Variants in TPR observed in about 807,000 individuals in gnomAD.
The protein encoded by TPR is translocated promoter region, nuclear basket protein, also known as nucleoprotein TPR.
A neutral mutation model predicts 316.1 loss-of-function variants in TPR; 51 were observed. The ratio of observed to expected loss-of-function variants is 0.16; its 90% CI spans 0.13 to 0.20. TPR has a LOEUF of 0.20. Among genes scored for constraint, TPR ranks in the 10% least tolerant of loss-of-function variants. TPR has a pLI of 1.00. For synonymous variants in TPR, 981 were observed against 914.7 expected, an observed-to-expected ratio of 1.07 and a Z score of -1.31; for missense variants, 2,272 against 2,754.8, an observed-to-expected ratio of 0.82 and a Z score of 3.92.
chr1:186,374,185 G>C (rs917445286), intron 1 of TPR, among the ~76,000 whole-genome samples: 2 of 151,896 alleles, frequency 1.3e-5, no homozygotes, highest in African/African-American at 4.8e-5. Context: ...CGGGAAGTTT[G>C]TATTTTACTA....
At chr1:186,330,263 C>T (rs1438396253) in intron 39 of TPR, among the ~76,000 whole-genome samples, 1 of 152,024 alleles carries the variant, frequency 6.6e-6, no homozygotes, top group Non-Finnish European at 1.5e-5. Context: ...AAAATATAAG[C>T]CTTTGCTAAA....
At chr1:186,362,257 G>A (rs1369083500) in intron 7 of TPR, 31 bp downstream of exon 7, 1 of 1,552,576 alleles carries the variant, frequency 6.4e-7, no homozygotes, top group African/African-American at 1.4e-5. Context: ...TTAGTATTTT[G>A]TAAAAAAGAC....
intron 50 of TPR, 27 bp downstream of exon 50, chr1:186,314,602 T>C (rs753231195): frequency 1.5e-5 from 23 of 1,551,984 alleles, no homozygotes; most frequent in Middle Eastern, 1.7e-4. Flanking sequence ...CATTCTATCA[T>C]GTAATCCAGT....
chr1:186,345,770 C>T, intron 23 of TPR, 74 bp from the exon 24 acceptor site: 1 of 1,076,978 alleles, frequency 9.3e-7, no homozygotes, highest in Non-Finnish European at 1.4e-6. Flanking sequence ...TGTAGTGTTA[C>T]TAAATTGAAG....
At chr1:186,371,865 C>T (rs921020796) in intron 2 of TPR, among the ~76,000 whole-genome samples, 7 of 152,060 alleles carry the variant, frequency 4.6e-5, no homozygotes, top group South Asian at 2.1e-4. Context: ...CACACACACG[C>T]GCGCACACAT....
At chr1:186,315,740 C>CT (rs1350989516) in intron 49 of TPR, among the ~76,000 whole-genome samples, 1 of 151,560 alleles carries the variant, frequency 6.6e-6, no homozygotes, top group African/African-American at 2.4e-5. Context: ...TCTCCCGCCT[C>CT]TTAACATATC....
In TPR at chr1:186,326,211, C is replaced by T. The variant is rs1557991289; in HGVS notation, c.5914G>A (p.Asp1972Asn). Residue 1972 changes from aspartate to asparagine, a missense_variant, in exon 41 of 51, where the codon GAT (aspartate) becomes AAT (asparagine). Transcript: ENST00000367478. The part of the protein sequence containing the change: ...HEDYEEDEED[D>N]DDDEDDTGMG... Reference sequence around the variant, plus strand: ...CCTGTGTCATCTTCATCATCATCATCATCTTCCTCATCCTCTTCATAATCC... The same window carrying T: ...CCTGTGTCATCTTCATCATCATCATTATCTTCCTCATCCTCTTCATAATCC... The T allele has an allele frequency of 1.2e-6, 2 of 1,611,134 alleles. No homozygotes were observed. Among genetic ancestry groups the T allele is most frequent in the Non-Finnish European group, 1.7e-6 (2 of 1,178,102 alleles).
chr1:186,338,286 C>T (rs1440731933), intron 30 of TPR, 43 bp from the exon 31 acceptor site: 1 of 1,511,604 alleles, frequency 6.6e-7, no homozygotes, highest in Admixed American at 2.1e-5. Flanking sequence ...ATATATGAGA[C>T]ATTTTTCAAA....
intron 29 of TPR, among the ~76,000 whole-genome samples, chr1:186,340,422 A>G (rs1314745945): frequency 6.6e-6 from 1 of 151,952 alleles, no homozygotes; most frequent in Non-Finnish European, 1.5e-5. Context: ...AATAAATTAT[A>G]CAGATTCCTA....
At chr1:186,371,456 T>C (rs1199903440) in intron 2 of TPR, among the ~76,000 whole-genome samples, 1 of 151,982 alleles carries the variant, frequency 6.6e-6, no homozygotes, top group Non-Finnish European at 1.5e-5. Context: ...ATACAGCAAA[T>C]CACAATAATG....
intron 18 of TPR, among the ~76,000 whole-genome samples, chr1:186,352,750 A>G (rs1224255035): frequency 1.3e-5 from 2 of 152,190 alleles, no homozygotes; most frequent in African/African-American, 2.4e-5. Context: ...GCCTTATAAG[A>G]GCATTATAAG....
chr1:186,371,385 A>C (rs1659520170), intron 2 of TPR, among the ~76,000 whole-genome samples: 1 of 152,214 alleles, frequency 6.6e-6, no homozygotes, highest in African/African-American at 2.4e-5. Flanking sequence ...TAGCAGTAAG[A>C]AAATGGAGTT....
At position 186,313,926 on chromosome 1, in the gene TPR, C is replaced by G; in HGVS notation, c.*45G>C. 6.3e-7 allele frequency: 1 copy of G among 1,590,104 alleles called. No homozygotes were observed. The highest frequency in any genetic ancestry group is 8.6e-7 in the Non-Finnish European group (1 of 1,160,000). On this transcript the variant is annotated 3_prime_UTR_variant, in exon 51 of 51. Coordinates refer to ENST00000367478, the MANE Select transcript of TPR (RefSeq NM_003292.3). ...AAACTTGACAATCATTACACTAAAA[C>G]AGATTTGATAATCTTATTCACAGTT...
chr1:186,346,802 A>G (rs1392897959), intron 22 of TPR, among the ~76,000 whole-genome samples: 1 of 152,242 alleles, frequency 6.6e-6, no homozygotes, highest in Non-Finnish European at 1.5e-5. Flanking sequence ...CCTACAGAAT[A>G]TAATTTAACA....
Position 186,353,722 on chromosome 1 carries a change from A to C in TPR, c.2300T>G (p.Leu767Trp). The C allele has an allele frequency of 1.9e-6, 3 of 1,614,026 alleles. No homozygotes were observed. The highest frequency in any genetic ancestry group is 2.5e-6 in the Non-Finnish European group (3 of 1,180,000). The change falls in exon 18 of 51, where the codon TTG (leucine) becomes TGG (tryptophan). Residue 767 changes from leucine (L) to tryptophan (W), a missense_variant. Physicochemically the swap from Leu to Trp is moderately conservative, Grantham distance 61 (BLOSUM62 -2). Coordinates refer to ENST00000367478, the MANE Select transcript of TPR (RefSeq NM_003292.3). ...EQIINTMTQD[L>W]RGANEKLAVA... Reference sequence around the variant, plus strand: ...AGCTAGCTTCTCATTTGCTCCTCTCAAATCTTGAGTCATCGTATTGATAAT... The same window carrying C: ...AGCTAGCTTCTCATTTGCTCCTCTCCAATCTTGAGTCATCGTATTGATAAT...
In TPR at chr1:186,333,246, T is replaced by C. The variant is rs1158633169; in HGVS notation, c.5331A>G (p.Gln1777=). The change falls in exon 37 of 51, where the codon CAA becomes CAG. Residue 1777 remains glutamine (Q), a synonymous_variant. Coordinates refer to ENST00000367478, the MANE Select transcript of TPR (RefSeq NM_003292.3). ...TCTGAGGATGACTCTGTTGAGTGGG[T>C]TGCACAAAAGCTGTAGCCTGTGTTT... The part of the protein sequence containing the change: ...QQQTQATAFV[Q]PTQQSHPQIE... 1 of 1,613,706 alleles carries C rather than the reference T, an allele frequency of 6.2e-7. No individual in the cohort carries two copies. Among genetic ancestry groups the C allele is most frequent in the East Asian group, 2.2e-5 (1 of 44,876 alleles).
intron 17 of TPR, 69 bp from the exon 18 acceptor site, chr1:186,353,919 C>T: frequency 6.9e-7 from 1 of 1,453,156 alleles, no homozygotes; most frequent in Non-Finnish European, 9.4e-7. Flanking sequence ...GAAGAAATTT[C>T]ACAATAGCTT....
chr1:186,335,527 T>G lies in TPR; in HGVS notation c.4722A>C (p.Leu1574=). The change falls in exon 34 of 51, where the codon CTA becomes CTC. Residue 1574 remains leucine (L), a synonymous_variant. Transcript: ENST00000367478. ...GTTTAAGCTCCTCATTTTCTTTAGT[T>G]AGCTGATCTTTTACACCTAAAGAAG... The part of the protein sequence containing the change: ...IAHLAGVKDQ[L]TKENEELKQR... The G allele has an allele frequency of 6.2e-7, 1 of 1,602,936 alleles. No homozygotes were observed. The highest frequency in any genetic ancestry group is 1.1e-5 in the South Asian group (1 of 88,524).
intron 5 of TPR, 30 bp from the exon 6 acceptor site, chr1:186,363,031 A>C: frequency 6.4e-7 from 1 of 1,571,702 alleles, no homozygotes; most frequent in Non-Finnish European, 8.6e-7. Flanking sequence ...TAACACGTAC[A>C]GTTAAAGATG....
Sources: allele counts gnomAD v4.1 joint callset (sites outside exome capture counted in the v4.1 genomes callset), GRCh38; gene constraint gnomAD v4.1.1; transcripts MANE v1.5; gene names NCBI Gene and HGNC (gene_info 2026-07-23, HGNC 2026-07-21).